POLE2: variants seen among roughly 807,000 people sequenced by gnomAD.
The protein encoded by POLE2 is DNA polymerase epsilon subunit 2.
POLE2 carries 56 observed loss-of-function variants against 79.4 expected under a neutral mutation model. The ratio of observed to expected loss-of-function variants is 0.71; its 90% confidence interval spans 0.57 to 0.88. The LOEUF is 0.88. POLE2 is among the 40% of genes least tolerant of loss of function. POLE2 has a pLI of 0.00. For synonymous variants in POLE2, 212 were observed against 214.0 expected (o/e 0.99, Z 0.08); for missense variants, 598 against 638.9 (o/e 0.94, Z 0.69).
chr14:49,651,783 CA>C (rs1021502045), intron 15 of POLE2, among the ~76,000 whole-genome samples: 2 of 152,166 alleles, frequency 1.3e-5, no homozygotes, highest in African/African-American at 4.8e-5. Context: ...ATGATCAGAA[CA>C]GGCCGGGCTC....
intron 10 of POLE2, among the ~76,000 whole-genome samples, chr14:49,658,125 G>A (rs975127586): frequency 3.3e-5 from 5 of 151,078 alleles, no homozygotes; most frequent in African/African-American, 1.2e-4. Flanking sequence ...CCCCCAGGCT[G>A]GAGTGCAATG....
At chr14:49,645,004 T>C (rs994184680) in intron 18 of POLE2, among the ~76,000 whole-genome samples, 4 of 143,550 alleles carry the variant, frequency 2.8e-5, no homozygotes, top group Admixed American at 1.6e-4. Context: ...ACTGTGCCGC[T>C]GCACTCTAGC....
chr14:49,680,118 G>A (rs1012448564), intron 2 of POLE2, among the ~76,000 whole-genome samples: 1 of 152,236 alleles, frequency 6.6e-6, no homozygotes, highest in Non-Finnish European at 1.5e-5. Context: ...GGGAGGCCAA[G>A]GCAGGAGGAT....
chr14:49,643,636 A>T lies in POLE2; in HGVS notation c.*16T>A, dbSNP rs190041437. The T allele has an allele frequency of 1.9e-4, 255 of 1,345,520 alleles. No homozygotes were observed. In the African/African-American group the frequency reaches 3.4e-3, roughly 18 times the overall value. The allele number at this position is 1,345,520 out of a possible 1,614,324, so 83.3% of individuals were successfully genotyped here. On this transcript the variant is annotated 3_prime_UTR_variant, in exon 19 of 19. Coordinates refer to ENST00000216367, the MANE Select transcript of POLE2 (RefSeq NM_002692.4). ...CAGAAAACTGATGAATTTTCTTCAG[A>T]TGATCTTTAAGAATCTCAAAAGCCT...
intron 10 of POLE2, among the ~76,000 whole-genome samples, chr14:49,658,678 C>T (rs1173328219): frequency 6.6e-6 from 1 of 152,138 alleles, no homozygotes; most frequent in Non-Finnish European, 1.5e-5. Context: ...CTCTTATTGC[C>T]TACTGACATC....
chr14:49,683,855 A>G (rs1886915349), intron 1 of POLE2, among the ~76,000 whole-genome samples, 162 bp from the exon 2 acceptor site: 1 of 152,184 alleles, frequency 6.6e-6, no homozygotes, highest in African/African-American at 2.4e-5. Context: ...TCTGAACAAA[A>G]TCATCCTCCT....
At chr14:49,687,979 T>C (rs949363132) in intron 1 of POLE2, among the ~76,000 whole-genome samples, 157 bp downstream of exon 1, 1 of 152,068 alleles carries the variant, frequency 6.6e-6, no homozygotes, top group Non-Finnish European at 1.5e-5. Flanking sequence ...ATTACAAGCG[T>C]GAGCCACCGC....
In POLE2 at chr14:49,683,612, A is replaced by G; in HGVS notation, c.150T>C (p.Asn50=). 6.4e-7 allele frequency: 1 copy of G among 1,564,176 alleles called. No individual in the cohort carries two copies. The highest frequency in any genetic ancestry group is 8.8e-7 in the Non-Finnish European group (1 of 1,136,452). The change falls in exon 2 of 19, where the codon AAT becomes AAC. Residue 50 remains asparagine (N), a synonymous_variant. Transcript: ENST00000216367. ...ELEDKLEKII[N]AVEKQPLSSN... ...ACTTACAGGGTTGCTTCTCAACTGC[A>G]TTAATTATCTTTTCCAGTTTATCTT... is the stretch of plus-strand genomic sequence containing the variant.
At position 49,673,538 on chromosome 14, in the gene POLE2, T is replaced by C. The variant is rs141910049; in HGVS notation, c.417+585A>G. Reference sequence around the variant, plus strand: ...CAATCTAGGTCCATGCCAAATGCCATCATTTCCTTGAAGCCTTTCCTGATT... The same window carrying C: ...CAATCTAGGTCCATGCCAAATGCCACCATTTCCTTGAAGCCTTTCCTGATT... On this transcript the variant is annotated intron_variant, in intron 5 of 18. Transcript: ENST00000216367. 3.9e-5 allele frequency among the ~76,000 whole-genome samples: 6 copies of C among 152,340 alleles called. No individual in the cohort carries two copies. The East Asian group carries it at 7.7e-4, about 20-fold the overall frequency.
chr14:49,643,949 G>A (rs931123022), intron 18 of POLE2, among the ~76,000 whole-genome samples: 18 of 146,364 alleles, frequency 1.2e-4, no homozygotes, highest in African/African-American at 3.0e-4. Context: ...GCGTAATCTC[G>A]GTTCACCGCA....
intron 3 of POLE2, among the ~76,000 whole-genome samples, chr14:49,674,724 G>A (rs1313250236): frequency 1.3e-5 from 2 of 151,874 alleles, no homozygotes; most frequent in African/African-American, 2.4e-5. Context: ...GCACCACCAC[G>A]TCCAGTTAAT....
At position 49,659,764 on chromosome 14, in the gene POLE2, G is replaced by C. The variant is rs1884969268; in HGVS notation, c.755+3551C>G. On this transcript the variant is annotated intron_variant, in intron 10 of 18. Transcript: ENST00000216367. ...CCCAGCTAATTTTGTTGTTGTTGTT[G>C]TTGGTAGAGATGAGGTTTTGTTATG... is the stretch of plus-strand genomic sequence containing the variant. Among the ~76,000 whole-genome samples the C allele has an allele frequency of 2.0e-5, 3 of 152,042 alleles. No individual in the cohort carries two copies. The South Asian group carries it at 6.2e-4, about 32-fold the overall frequency.
chr14:49,677,513 G>T (rs1008664961), intron 3 of POLE2: 5 of 490,830 alleles, frequency 1.0e-5, no homozygotes, highest in African/African-American at 9.7e-5. Flanking sequence ...CACATGAAGG[G>T]CTCCCACCAG....
At chr14:49,686,735 T>A (rs1033162314) in intron 1 of POLE2, among the ~76,000 whole-genome samples, 2 of 152,164 alleles carry the variant, frequency 1.3e-5, no homozygotes, top group African/African-American at 4.8e-5. Context: ...ATGACTGAAA[T>A]AATTAATGAA....
At chr14:49,667,228 T>C (rs1159553057) in intron 6 of POLE2, among the ~76,000 whole-genome samples, 1 of 151,888 alleles carries the variant, frequency 6.6e-6, no homozygotes, top group Non-Finnish European at 1.5e-5. Flanking sequence ...TCTTTTTCTA[T>C]ATGTAATCCT....
intron 1 of POLE2, among the ~76,000 whole-genome samples, chr14:49,685,999 T>C (rs1004421854): frequency 1.3e-5 from 2 of 152,178 alleles, no homozygotes; most frequent in South Asian, 4.1e-4. Flanking sequence ...TAGGGCAGTT[T>C]ATACACCTTA....
In POLE2 at chr14:49,651,304, G is replaced by A. The variant is rs944761368; in HGVS notation, c.1285C>T (p.Arg429Cys). Reference sequence around the variant, plus strand: ...ATAGCCAAATTGCTGCTAGGAAAACGGACGCAGTTTCTGCACATTTTATTT... The same window carrying A: ...ATAGCCAAATTGCTGCTAGGAAAACAGACGCAGTTTCTGCACATTTTATTT... ...LVNKMCRNCV[R>C]FPSSNLAIPN... The change falls in exon 16 of 19, where the codon CGT (arginine) becomes TGT (cysteine). Residue 429 changes from arginine to cysteine, a missense_variant. Arg to Cys is a radical substitution (Grantham distance 180, BLOSUM62 -3). Coordinates refer to ENST00000216367, the MANE Select transcript of POLE2 (RefSeq NM_002692.4). 10 of 1,602,542 alleles carry A rather than the reference G, an allele frequency of 6.2e-6. No homozygotes were observed. Among genetic ancestry groups the A allele is most frequent in the Middle Eastern group, 1.6e-4 (1 of 6,062 alleles).
chr14:49,675,284 ATGT>A (rs1030449848), intron 3 of POLE2, among the ~76,000 whole-genome samples: 1 of 151,204 alleles, frequency 6.6e-6, no homozygotes, highest in Non-Finnish European at 1.5e-5. Flanking sequence ...GGGTTTCTTT[ATGT>A]TGGTCAGGCT....
intron 1 of POLE2, among the ~76,000 whole-genome samples, chr14:49,685,789 G>GA (rs1887088777): frequency 1.4e-5 from 2 of 144,244 alleles, no homozygotes; most frequent in South Asian, 4.4e-4. Context: ...TGGCTGGTTG[G>GA]TTTTTTTTTT....
Sources: gnomAD v4.1 joint callset for allele counts (sites outside exome capture counted in the v4.1 genomes callset) on GRCh38, gnomAD v4.1.1 for gene constraint, MANE v1.5 for transcripts, NCBI Gene and HGNC (gene_info 2026-07-23, HGNC 2026-07-21) for gene names.